The following TMX1 variants were observed in gnomAD, a reference collection of about 807,000 sequenced individuals.
TMX1 encodes the protein thioredoxin related transmembrane protein 1, also known as thioredoxin-related transmembrane protein 1.
A neutral mutation model predicts 36.6 loss-of-function variants in TMX1; 25 were observed. The observed-to-expected ratio is 0.68, with a 90% CI of 0.50 to 0.95. TMX1 has a LOEUF of 0.95. Ranked by LOEUF, TMX1 falls within the 40% of genes least tolerant of loss-of-function variation. The pLI, the probability that TMX1 is intolerant of heterozygous loss-of-function variation, is 0.00. For missense variants in TMX1, 347 were observed against 339.6 expected, an observed-to-expected ratio of 1.02 and a Z score of -0.17; for synonymous variants, 133 against 118.0, an observed-to-expected ratio of 1.13 and a Z score of -0.82.
intron 3 of TMX1, 91 bp from the exon 4 acceptor site, chr14:51,247,001 G>C (rs1412341209): frequency 9.4e-6 from 11 of 1,167,664 alleles, no homozygotes; most frequent in Non-Finnish European, 1.3e-5. Flanking sequence ...TTGAATGTTA[G>C]AATTGACTGT....
chr14:51,253,438 A>T (rs746285486), intron 7 of TMX1, among the ~76,000 whole-genome samples: 1 of 152,186 alleles, frequency 6.6e-6, no homozygotes, highest in African/African-American at 2.4e-5. Context: ...TAAACAACAG[A>T]TGGTTCATTA....
chr14:51,244,789 A>G (rs1055685240), intron 2 of TMX1, among the ~76,000 whole-genome samples: 3 of 152,220 alleles, frequency 2.0e-5, no homozygotes, highest in Admixed American at 6.5e-5. Flanking sequence ...TTTCACAGAT[A>G]AGAAAACTGA....
rs1327557928 is a variant in TMX1, at chr14:51,255,090, A to C, written c.*571A>C. ...ATTAATTAATTACAGTTTTCTACACATGGTAATACAGGATATGCTACTGAT... is the reference window on the plus strand; with the variant it reads ...ATTAATTAATTACAGTTTTCTACACCTGGTAATACAGGATATGCTACTGAT... On this transcript the variant is annotated 3_prime_UTR_variant, in exon 8 of 8. Coordinates refer to ENST00000457354, the MANE Select transcript of TMX1 (RefSeq NM_030755.5). 6.6e-6 allele frequency: 1 copy of C among 152,120 alleles called. No homozygotes were observed. Among genetic ancestry groups the C allele is most frequent in the East Asian group, 1.9e-4 (1 of 5,200 alleles). 9.4% of individuals were successfully genotyped at this position (152,120 alleles called of 1,614,324 possible). A position where few individuals can be genotyped will look rare whatever the true frequency, so the allele number is the denominator to read the frequency against.
chr14:51,247,959 G>T (rs1427931031), intron 4 of TMX1, among the ~76,000 whole-genome samples: 1 of 152,150 alleles, frequency 6.6e-6, no homozygotes, highest in Non-Finnish European at 1.5e-5. Context: ...AATAATTGCC[G>T]ATACCAACTA....
At chr14:51,241,709 G>C (rs2065762297) in intron 1 of TMX1, among the ~76,000 whole-genome samples, 1 of 152,150 alleles carries the variant, frequency 6.6e-6, no homozygotes, top group Non-Finnish European at 1.5e-5. Context: ...AAGACAACAG[G>C]GTTCAGGTGA....
At chr14:51,250,845 A>G (rs1170977944) in intron 7 of TMX1, among the ~76,000 whole-genome samples, 3 of 152,204 alleles carry the variant, frequency 2.0e-5, no homozygotes, top group South Asian at 2.1e-4. Flanking sequence ...AATGAAGTCT[A>G]TGGAGATTGA....
At chr14:51,253,979 G>T in intron 7 of TMX1, 1 of 156,334 alleles carries the variant, frequency 6.4e-6, no homozygotes, top group Non-Finnish European at 1.4e-5. Context: ...CACCATTAGT[G>T]ACAGTAATAG....
intron 7 of TMX1, among the ~76,000 whole-genome samples, chr14:51,251,742 A>T (rs1416407191): frequency 1.3e-5 from 2 of 152,174 alleles, no homozygotes; most frequent in African/African-American, 4.8e-5. Flanking sequence ...TTGCCCGAAG[A>T]ACTTGTTCAA....
At chr14:51,249,934 A>G (rs2065804165) in intron 7 of TMX1, among the ~76,000 whole-genome samples, 169 bp downstream of exon 7, 1 of 152,248 alleles carries the variant, frequency 6.6e-6, no homozygotes, top group East Asian at 1.9e-4. Context: ...TATATTTCAT[A>G]TAAGAATGTA....
intron 7 of TMX1, among the ~76,000 whole-genome samples, chr14:51,250,243 G>C (rs1034542949): frequency 6.6e-6 from 1 of 152,114 alleles, no homozygotes; most frequent in Non-Finnish European, 1.5e-5. Context: ...ATAATTACAA[G>C]CATTTACCAA....
At chr14:51,252,929 A>G (rs1453008257) in intron 7 of TMX1, among the ~76,000 whole-genome samples, 1 of 151,968 alleles carries the variant, frequency 6.6e-6, no homozygotes, top group Non-Finnish European at 1.5e-5. Context: ...AGAATTTTTT[A>G]TTTTTTATTT....
At position 51,240,277 on chromosome 14, in the gene TMX1, G is replaced by A. The variant is rs775780882; in HGVS notation, c.-16G>A. ...GAGCTGCGACCGCGCTCCCTGTGAGGTGGGCAAGCGGCGAAATGGCGCCCT... is the reference window on the plus strand; with the variant it reads ...GAGCTGCGACCGCGCTCCCTGTGAGATGGGCAAGCGGCGAAATGGCGCCCT... On this transcript the variant is annotated 5_prime_UTR_variant, in exon 1 of 8. The change creates a new upstream start codon in the 5' untranslated region. Coordinates refer to ENST00000457354, the MANE Select transcript of TMX1 (RefSeq NM_030755.5). 1.9e-6 allele frequency: 3 copies of A among 1,607,220 alleles called. No individual in the cohort carries two copies. Among genetic ancestry groups the A allele is most frequent in the Non-Finnish European group, 2.5e-6 (3 of 1,179,314 alleles).
intron 3 of TMX1, 108 bp from the exon 4 acceptor site, chr14:51,246,984 A>T: frequency 1.0e-6 from 1 of 982,040 alleles, no homozygotes; most frequent in Non-Finnish European, 1.4e-6. Context: ...GTACATTGCT[A>T]ATGCTTTTGA....
chr14:51,249,907 G>C (rs117178127), intron 7 of TMX1, 142 bp downstream of exon 7: 1 of 610,142 alleles, frequency 1.6e-6, no homozygotes, highest in Non-Finnish European at 2.8e-6. Context: ...ATGGCATAAA[G>C]GAAGGTAGAG....
In TMX1 at chr14:51,254,716, A is replaced by G. The variant is rs2065831028; in HGVS notation, c.*197A>G. 3 of 410,962 alleles carry G rather than the reference A, an allele frequency of 7.3e-6. No homozygotes were observed. Among genetic ancestry groups the G allele is most frequent in the Admixed American group, 9.0e-5 (2 of 22,304 alleles). 25.5% of individuals were successfully genotyped at this position (410,962 alleles called of 1,614,324 possible). On this transcript the variant is annotated 3_prime_UTR_variant, in exon 8 of 8. Transcript: ENST00000457354. ...TGAAATATGATTTAAGCACAGTATG[A>G]TGGTTTAAATAGTTCTCTAATTTTT... is the stretch of plus-strand genomic sequence containing the variant.
At chr14:51,245,493 G>T (rs761477182) in intron 3 of TMX1, 135 bp downstream of exon 3, 1 of 1,536,788 alleles carries the variant, frequency 6.5e-7, no homozygotes, top group East Asian at 2.5e-5. Context: ...TAGAGGGCTT[G>T]TTTTGCTTAG....
In TMX1 at chr14:51,254,641, T is replaced by A; in HGVS notation, c.*122T>A. ...TGCAGGGTTCAGTCTAGATTGTCAT[T>A]AAATTGAAGAGTCTACATTCAGAAC... On this transcript the variant is annotated 3_prime_UTR_variant, in exon 8 of 8. Transcript: ENST00000457354. 1 of 832,720 alleles carries A rather than the reference T, an allele frequency of 1.2e-6. No homozygotes were observed. The highest frequency in any genetic ancestry group is 1.8e-6 in the Non-Finnish European group (1 of 549,248). 51.6% of individuals were successfully genotyped at this position (832,720 alleles called of 1,614,324 possible). A position where few individuals can be genotyped will look rare whatever the true frequency, so the allele number is the denominator to read the frequency against.
chr14:51,254,665 A>G lies in TMX1; in HGVS notation c.*146A>G, dbSNP rs1275583720. 4.7e-6 allele frequency: 3 copies of G among 632,918 alleles called. No homozygotes were observed. Among genetic ancestry groups the G allele is most frequent in the South Asian group, 5.5e-5 (2 of 36,090 alleles). The allele number at this position is 632,918 out of a possible 1,614,324, so 39.2% of individuals were successfully genotyped here. ...TTAAATTGAAGAGTCTACATTCAGA[A>G]CATAAAAGCACTAGGTATACAAGTT... On this transcript the variant is annotated 3_prime_UTR_variant, in exon 8 of 8. Coordinates refer to ENST00000457354, the MANE Select transcript of TMX1 (RefSeq NM_030755.5).
Position 51,249,485 on chromosome 14 carries a change from T to A in TMX1, c.507T>A (p.Phe169Leu). The A allele has an allele frequency of 6.2e-7, 1 of 1,610,560 alleles. No homozygotes were observed. Among genetic ancestry groups the A allele is most frequent in the Non-Finnish European group, 8.5e-7 (1 of 1,179,116 alleles). ...SMWIRTCHNYFIEDLGLPVWG... is the reference protein window; with the variant it reads ...SMWIRTCHNYLIEDLGLPVWG... The stretch of plus-strand genomic sequence containing the variant: ...GATTTTAGACTTGCCATAACTACTT[T>A]ATTGAAGACCTTGGATTGCCAGTGT... Residue 169 changes from phenylalanine to leucine, a missense_variant, in exon 6 of 8, where the codon TTT (phenylalanine) becomes TTA (leucine). Coordinates refer to ENST00000457354, the MANE Select transcript of TMX1 (RefSeq NM_030755.5).
Sources: gnomAD v4.1 joint callset for allele counts (sites outside exome capture counted in the v4.1 genomes callset) on GRCh38, gnomAD v4.1.1 for gene constraint, MANE v1.5 for transcripts, NCBI Gene and HGNC (gene_info 2026-07-23, HGNC 2026-07-21) for gene names.